The following TRAP1 variants were observed in gnomAD, a reference collection of about 807,000 sequenced individuals.
TRAP1 encodes the protein heat shock protein 75 kDa, mitochondrial.
Under a neutral mutation model 89.1 loss-of-function variants are expected in TRAP1, and 102 were observed. The observed-to-expected ratio is 1.15, with a 90% CI of 0.98 to 1.35. The LOEUF (loss-of-function observed/expected upper bound fraction) is 1.35. Ranked by LOEUF, TRAP1 falls within the 40% of genes most tolerant of loss-of-function variation. The probability of loss-of-function intolerance (pLI) is 0.00; values close to 1 mark genes in which losing one functional copy is unlikely to be tolerated. For synonymous variants in TRAP1, 508 were observed against 388.0 expected (o/e 1.31, Z -3.64); for missense variants, 1,256 against 945.3 (o/e 1.33, Z -4.31).
At chr16:3,700,353 G>C (rs572842393) in intron 1 of TRAP1, among the ~76,000 whole-genome samples, 39 of 151,906 alleles carry the variant, frequency 2.6e-4, no homozygotes, top group Non-Finnish European at 5.0e-4. Flanking sequence ...TTTTTGTAGA[G>C]ACGGGGTTTC....
intron 2 of TRAP1, among the ~76,000 whole-genome samples, 163 bp downstream of exon 2, chr16:3,690,664 T>C (rs2051201336): frequency 6.6e-6 from 1 of 152,190 alleles, no homozygotes; most frequent in African/African-American, 2.4e-5. Flanking sequence ...AGTCCCTCGC[T>C]GGGACAGAAA....
At chr16:3,669,654 G>A (rs1343735582) in intron 11 of TRAP1, among the ~76,000 whole-genome samples, 1 of 151,714 alleles carries the variant, frequency 6.6e-6, no homozygotes, top group Non-Finnish European at 1.5e-5. Flanking sequence ...CTAACACAGT[G>A]AAACCCTGTC....
chr16:3,665,609 C>A, intron 12 of TRAP1: 1 of 237,310 alleles, frequency 4.2e-6, no homozygotes, highest in African/African-American at 2.3e-5. Context: ...CTTCCCCACC[C>A]ACGGGATCGG....
In TRAP1 at chr16:3,664,285, T is replaced by C. The variant is rs745903267; in HGVS notation, c.1558A>G (p.Lys520Glu). The change falls in exon 13 of 18, where the codon AAA becomes GAA. Residue 520 changes from lysine (K) to glutamate (E), a missense_variant. Physicochemically the swap from Lys to Glu is moderately conservative, Grantham distance 56. Coordinates refer to ENST00000246957, the MANE Select transcript of TRAP1 (RefSeq NM_016292.3). The stretch of plus-strand genomic sequence containing the variant: ...CACCGCTCACCCACCTCTGTGTCTT[T>C]CTTCTTCATGGCCTCATAGTAGGGT... ...HSPYYEAMKK[K>E]DTEVLFCFEQ... 20 of 1,595,296 alleles carry C rather than the reference T, an allele frequency of 1.3e-5. No homozygotes were observed. Among genetic ancestry groups the C allele is most frequent in the African/African-American group, 2.7e-5 (2 of 73,748 alleles).
At position 3,688,833 on chromosome 16, in the gene TRAP1, G is replaced by C. The variant is rs548042573; in HGVS notation, c.330+222C>G. The stretch of plus-strand genomic sequence containing the variant: ...ATTGGCAAAATTCAATTAATTCCCA[G>C]AGTTGATCCAGCCCAAAGAACCATC... On this transcript the variant is annotated intron_variant, in intron 3 of 17. Transcript: ENST00000246957. Among the ~76,000 whole-genome samples the C allele has an allele frequency of 2.6e-5, 4 of 152,238 alleles. No individual in the cohort carries two copies. The South Asian group carries it at 8.3e-4, about 32-fold the overall frequency.
At chr16:3,692,310 C>T (rs1033271532) in intron 1 of TRAP1, among the ~76,000 whole-genome samples, 1 of 152,050 alleles carries the variant, frequency 6.6e-6, no homozygotes, top group Non-Finnish European at 1.5e-5. Flanking sequence ...CTGAGGTAGG[C>T]GGATCACATG....
intron 12 of TRAP1, chr16:3,665,586 CTG>C (rs1306406527): frequency 4.6e-6 from 1 of 217,850 alleles, no homozygotes; most frequent in Non-Finnish European, 9.1e-6. Flanking sequence ...TCAACAGACA[CTG>C]AGACCACCCA....
At chr16:3,671,839 C>G in intron 10 of TRAP1, 48 bp from the exon 11 acceptor site, 1 of 1,585,320 alleles carries the variant, frequency 6.3e-7, no homozygotes, top group Middle Eastern at 1.7e-4. Flanking sequence ...GCCCTCCACA[C>G]CACCCAACAT....
intron 4 of TRAP1, 85 bp from the exon 5 acceptor site, chr16:3,679,875 G>C (rs1720568800): frequency 2.2e-6 from 3 of 1,374,408 alleles, no homozygotes; most frequent in Admixed American, 3.6e-5. Context: ...GACTCAAGTG[G>C]TGTCAATGAC....
Position 3,671,753 on chromosome 16 carries a change from G to C in TRAP1, c.1204C>G (p.Arg402Gly), listed in dbSNP as rs768200676. The C allele has an allele frequency of 1.2e-6, 2 of 1,613,190 alleles. No individual in the cohort carries two copies. The highest frequency in any genetic ancestry group is 1.1e-5 in the South Asian group (1 of 91,086). Reference sequence around the variant, plus strand: ...AGTGCGCTCTCCTGCAGCAGCTCCCGGCTGAGGTTCAGGGGAATGTCCTCA... The same window carrying C: ...AGTGCGCTCTCCTGCAGCAGCTCCCCGCTGAGGTTCAGGGGAATGTCCTCA... ...DSEDIPLNLS[R>G]ELLQESALIR... Residue 402 changes from arginine to glycine, a missense_variant, in exon 11 of 18, where the codon CGG (arginine) becomes GGG (glycine). By Grantham distance (125) the Arg-to-Gly change is moderately radical. Transcript: ENST00000246957.
rs569161134 is a variant in TRAP1, at chr16:3,658,785, G to T, written c.2013+8C>A. Reference sequence around the variant, plus strand: ...GTCCCTGCAGTCATCCTAAGCTGCTGCACTCACCTGATCCACCAGCAGCTG... The same window carrying T: ...GTCCCTGCAGTCATCCTAAGCTGCTTCACTCACCTGATCCACCAGCAGCTG... On this transcript the variant is annotated splice_region_variant and intron_variant, in intron 17 of 17. Coordinates refer to ENST00000246957, the MANE Select transcript of TRAP1 (RefSeq NM_016292.3). The T allele has an allele frequency of 1.2e-6, 2 of 1,613,186 alleles. No individual in the cohort carries two copies. The highest frequency in any genetic ancestry group is 2.2e-5 in the South Asian group (2 of 91,010).
chr16:3,710,870 TA>T (rs1448550741), intron 1 of TRAP1, among the ~76,000 whole-genome samples: 14 of 112,594 alleles, frequency 1.2e-4, no homozygotes, highest in African/African-American at 3.5e-4. Context: ...TATATATATA[TA>T]TATATATATT....
intron 8 of TRAP1, 94 bp from the exon 9 acceptor site, chr16:3,674,588 G>T: frequency 6.8e-7 from 1 of 1,473,504 alleles, no homozygotes; most frequent in Non-Finnish European, 9.2e-7. Context: ...GCCTGGCCCT[G>T]GACAGGCTCC....
At chr16:3,671,366 A>G (rs1413046746) in intron 11 of TRAP1, among the ~76,000 whole-genome samples, 2 of 152,252 alleles carry the variant, frequency 1.3e-5, no homozygotes, top group African/African-American at 4.8e-5. Flanking sequence ...AGTGATAGCT[A>G]CTGATGGAGA....
intron 16 of TRAP1, 198 bp from the exon 17 acceptor site, chr16:3,659,063 T>G (rs923879874): frequency 2.0e-5 from 12 of 588,478 alleles, no homozygotes; most frequent in Admixed American, 6.8e-5. Context: ...AGTGTCAGTA[T>G]TAGAAAATGC....
intron 1 of TRAP1, among the ~76,000 whole-genome samples, chr16:3,715,177 G>A (rs2051581431): frequency 1.3e-5 from 2 of 152,230 alleles, no homozygotes; most frequent in African/African-American, 4.8e-5. Flanking sequence ...AGCGGCTCAC[G>A]CTTGTAATCC....
intron 16 of TRAP1, chr16:3,661,587 G>GA (rs1449638646): frequency 5.6e-6 from 1 of 177,762 alleles, no homozygotes; most frequent in African/African-American, 2.3e-5. Context: ...ATTCGGCTAT[G>GA]AAAATGAACT....
chr16:3,672,880 T>TG, intron 9 of TRAP1, 60 bp from the exon 10 acceptor site: 1 of 1,556,110 alleles, frequency 6.4e-7, no homozygotes. Context: ...AGGCCCTGGC[T>TG]GGGAGGTGGG....
intron 9 of TRAP1, among the ~76,000 whole-genome samples, chr16:3,673,339 C>A (rs763974991): frequency 6.6e-6 from 1 of 152,240 alleles, no homozygotes; most frequent in Non-Finnish European, 1.5e-5. Context: ...TGCTTCCTCA[C>A]CCGGCAGGGT....
Sources: gnomAD v4.1 joint callset for allele counts (sites outside exome capture counted in the v4.1 genomes callset) on GRCh38, gnomAD v4.1.1 for gene constraint, MANE v1.5 for transcripts, NCBI Gene and HGNC (gene_info 2026-07-23, HGNC 2026-07-21) for gene names.